Variants in FAM174A observed in about 807,000 individuals in gnomAD.
FAM174A encodes the protein family with sequence similarity 174 member A, also known as membrane protein FAM174A.
In FAM174A, 14 loss-of-function variants were observed where a neutral mutation model predicts 14.3. The ratio of observed to expected loss-of-function variants is 0.98; its 90% CI spans 0.65 to 1.53. FAM174A has a LOEUF of 1.53. FAM174A is among the 40% of genes most tolerant of loss of function. FAM174A has a pLI of 0.00. For synonymous variants in FAM174A, 108 were observed against 111.4 expected (o/e 0.97, Z 0.19); for missense variants, 241 against 249.6 (o/e 0.97, Z 0.23).
intron 2 of FAM174A, among the ~76,000 whole-genome samples, chr5:100,564,015 C>G (rs980669549): frequency 1.3e-5 from 2 of 151,714 alleles, no homozygotes; most frequent in Non-Finnish European, 2.9e-5. Context: ...TGAGTTCTTG[C>G]AAAATGTGGT....
intron 1 of FAM174A, among the ~76,000 whole-genome samples, chr5:100,543,779 A>G (rs1746112431): frequency 1.3e-5 from 2 of 152,048 alleles, no homozygotes; most frequent in Non-Finnish European, 2.9e-5. Flanking sequence ...CTAGTGAACT[A>G]TATTTTTATG....
At chr5:100,541,679 A>G (rs1305085271) in intron 1 of FAM174A, among the ~76,000 whole-genome samples, 1 of 152,162 alleles carries the variant, frequency 6.6e-6, no homozygotes, top group African/African-American at 2.4e-5. Flanking sequence ...AGCTCTTGTC[A>G]TAGGACAGGA....
At chr5:100,558,532 G>T (rs887154777) in intron 1 of FAM174A, among the ~76,000 whole-genome samples, 3 of 152,132 alleles carry the variant, frequency 2.0e-5, no homozygotes, top group African/African-American at 7.2e-5. Flanking sequence ...AATGTTGACA[G>T]TGGGGTATTA....
intron 1 of FAM174A, among the ~76,000 whole-genome samples, chr5:100,540,876 CAT>C (rs1343331319): frequency 6.6e-6 from 1 of 152,162 alleles, no homozygotes; most frequent in Non-Finnish European, 1.5e-5. Flanking sequence ...TGTAATGCCA[CAT>C]ATAGACATTG....
chr5:100,558,327 T>G (rs1176185923), intron 1 of FAM174A, among the ~76,000 whole-genome samples: 1 of 152,190 alleles, frequency 6.6e-6, no homozygotes, highest in Middle Eastern at 3.2e-3. Flanking sequence ...TTCTGTTCTT[T>G]TACATTTGCT....
intron 1 of FAM174A, among the ~76,000 whole-genome samples, chr5:100,554,506 A>G (rs768251338): frequency 1.3e-5 from 2 of 151,732 alleles, no homozygotes; most frequent in African/African-American, 4.8e-5. Context: ...TACTAGAGAC[A>G]GGATTTCACC....
At chr5:100,585,616 G>A (rs1747112760) in intron 2 of FAM174A, among the ~76,000 whole-genome samples, 1 of 152,110 alleles carries the variant, frequency 6.6e-6, no homozygotes, top group African/African-American at 2.4e-5. Context: ...CTTTCACCAT[G>A]TTGGCCAGGC....
At chr5:100,547,455 AT>A (rs755133726) in intron 1 of FAM174A, among the ~76,000 whole-genome samples, 10 of 152,094 alleles carry the variant, frequency 6.6e-5, no homozygotes, top group Non-Finnish European at 1.5e-4. Context: ...ATGTTTTTCA[AT>A]TTGGGCTGCC....
chr5:100,550,193 C>G (rs1222645329), intron 1 of FAM174A, among the ~76,000 whole-genome samples: 1 of 152,134 alleles, frequency 6.6e-6, no homozygotes, highest in Non-Finnish European at 1.5e-5. Context: ...TTGCCTGGAT[C>G]ATGCCTAAAA....
intron 2 of FAM174A, among the ~76,000 whole-genome samples, chr5:100,571,152 G>A (rs866143713): frequency 6.6e-6 from 1 of 150,556 alleles, no homozygotes; most frequent in African/African-American, 2.4e-5. Context: ...ATATGTGTGT[G>A]TATATATATA....
rs184422351 is a variant in FAM174A at position 100,582,254 on chromosome 5, A to G, written c.570-3927A>G. 8.5e-5 allele frequency among the ~76,000 whole-genome samples: 13 copies of G among 152,232 alleles called. No homozygotes were observed. In the East Asian group the frequency reaches 2.3e-3, roughly 27 times the overall value. On this transcript the variant is annotated intron_variant, in intron 2 of 2. Transcript: ENST00000312637. ...ATGTTTTTTTTTAATAACCTTCAGT[A>G]TATTTTTTAAAGGATTAAATTTACT...
chr5:100,555,519 G>T (rs1050012713), intron 1 of FAM174A, among the ~76,000 whole-genome samples: 6 of 152,112 alleles, frequency 3.9e-5, no homozygotes, highest in African/African-American at 1.4e-4. Context: ...CTTCCACAAC[G>T]GTTGAACTAG....
At chr5:100,566,523 A>T (rs543400740) in intron 2 of FAM174A, among the ~76,000 whole-genome samples, 2 of 151,818 alleles carry the variant, frequency 1.3e-5, no homozygotes, top group South Asian at 4.1e-4. Context: ...AGCAATGTGA[A>T]TATAGTTAAC....
chr5:100,561,133 T>C (rs1411178790), intron 1 of FAM174A, among the ~76,000 whole-genome samples: 1 of 151,878 alleles, frequency 6.6e-6, no homozygotes, highest in African/African-American at 2.4e-5. Context: ...AGGTAAATGA[T>C]TTGAAGGAAA....
At chr5:100,570,807 T>G (rs988019931) in intron 2 of FAM174A, among the ~76,000 whole-genome samples, 1 of 151,978 alleles carries the variant, frequency 6.6e-6, no homozygotes, top group African/African-American at 2.4e-5. Flanking sequence ...GCCCCAATAT[T>G]AAGTAGGTTA....
chr5:100,553,002 G>A (rs1199215588), intron 1 of FAM174A, among the ~76,000 whole-genome samples: 1 of 151,960 alleles, frequency 6.6e-6, no homozygotes, highest in Non-Finnish European at 1.5e-5. Context: ...GGCAAAATTT[G>A]TTTCTATATT....
At chr5:100,558,318 T>C (rs1746441438) in intron 1 of FAM174A, among the ~76,000 whole-genome samples, 1 of 152,196 alleles carries the variant, frequency 6.6e-6, no homozygotes, top group Admixed American at 6.6e-5. Flanking sequence ...TGTTATAATT[T>C]CTGTTCTTTT....
intron 1 of FAM174A, among the ~76,000 whole-genome samples, chr5:100,547,716 A>T (rs986850169): frequency 3.3e-5 from 5 of 152,112 alleles, no homozygotes; most frequent in African/African-American, 1.2e-4. Flanking sequence ...CATCCAGATG[A>T]TATACAGTAG....
At chr5:100,540,954 G>A (rs1746037831) in intron 1 of FAM174A, among the ~76,000 whole-genome samples, 1 of 152,138 alleles carries the variant, frequency 6.6e-6, no homozygotes, top group Non-Finnish European at 1.5e-5. Flanking sequence ...ACACTGCCTA[G>A]TGATCTCAAG....
Sources: allele counts gnomAD v4.1 joint callset (sites outside exome capture counted in the v4.1 genomes callset), GRCh38; gene constraint gnomAD v4.1.1; transcripts MANE v1.5; gene names NCBI Gene and HGNC (gene_info 2026-07-23, HGNC 2026-07-21).